The following CDKAL1 variants were observed in gnomAD, a reference collection of about 807,000 sequenced individuals.
CDKAL1 encodes CDKAL1 threonylcarbamoyladenosine tRNA methylthiotransferase, also known as threonylcarbamoyladenosine tRNA methylthiotransferase.
A neutral mutation model predicts 68.2 loss-of-function variants in CDKAL1; 32 were observed. That is an observed-to-expected ratio of 0.47 (90% CI 0.35 to 0.63). The LOEUF (loss-of-function observed/expected upper bound fraction) is 0.63. CDKAL1 is among the 30% of genes least tolerant of loss of function. The pLI, the probability that CDKAL1 is intolerant of heterozygous loss-of-function variation, is 0.00. For missense variants in CDKAL1, 606 were observed against 696.7 expected, an observed-to-expected ratio of 0.87 and a Z score of 1.47; for synonymous variants, 234 against 244.3, an observed-to-expected ratio of 0.96 and a Z score of 0.39.
chr6:20,724,533 A>G (rs369842760), intron 5 of CDKAL1, among the ~76,000 whole-genome samples: 1 of 151,968 alleles, frequency 6.6e-6, no homozygotes, highest in African/African-American at 2.4e-5. Context: ...TGTAGGCAAC[A>G]TGGTGAAACC....
intron 9 of CDKAL1, among the ~76,000 whole-genome samples, chr6:20,931,842 G>A (rs151019684): frequency 9.2e-5 from 14 of 152,216 alleles, no homozygotes; most frequent in African/African-American, 1.4e-4. Flanking sequence ...CTGTCATTTC[G>A]TGCTTGCTTT....
At chr6:20,612,746 G>A (rs1766674573) in intron 4 of CDKAL1, among the ~76,000 whole-genome samples, 1 of 151,978 alleles carries the variant, frequency 6.6e-6, no homozygotes, top group Non-Finnish European at 1.5e-5. Context: ...TTAGCTTGAT[G>A]TAAAACCATT....
chr6:20,841,384 A>C (rs1325118063), intron 8 of CDKAL1, among the ~76,000 whole-genome samples: 2 of 152,062 alleles, frequency 1.3e-5, no homozygotes, highest in Admixed American at 6.5e-5. Flanking sequence ...TAAGAGTATA[A>C]CTCTGATTTT....
Position 20,789,699 on chromosome 6 carries a change from C to A in CDKAL1, c.638+8434C>A, listed in dbSNP as rs559616515. On this transcript the variant is annotated intron_variant, in intron 8 of 15. Transcript: ENST00000274695. Reference sequence around the variant, plus strand: ...AGGGAGAATGAATTTGGATAAAAAGCAAAAATTTAAAGGTACTCAAATTTA... The same window carrying A: ...AGGGAGAATGAATTTGGATAAAAAGAAAAAATTTAAAGGTACTCAAATTTA... 3.3e-5 allele frequency among the ~76,000 whole-genome samples: 5 copies of A among 152,166 alleles called. No homozygotes were observed. In the South Asian group the frequency reaches 8.3e-4, roughly 25 times the overall value.
chr6:20,638,253 T>A (rs1274194180), intron 4 of CDKAL1, among the ~76,000 whole-genome samples: 1 of 152,116 alleles, frequency 6.6e-6, no homozygotes, highest in East Asian at 1.9e-4. Flanking sequence ...AAAAATAGTA[T>A]TTTTTTTAAA....
chr6:20,608,298 TTATC>T (rs901182341), intron 4 of CDKAL1, among the ~76,000 whole-genome samples: 2 of 152,164 alleles, frequency 1.3e-5, no homozygotes, highest in African/African-American at 4.8e-5. Context: ...AGTACACAAG[TTATC>T]TATATATAGT....
intron 10 of CDKAL1, among the ~76,000 whole-genome samples, chr6:20,967,819 A>G (rs1250636797): frequency 6.6e-6 from 1 of 152,126 alleles, no homozygotes; most frequent in African/African-American, 2.4e-5. Context: ...CTTGGTTTTC[A>G]TTTATCTGGA....
At chr6:20,599,955 C>T (rs918165151) in intron 4 of CDKAL1, among the ~76,000 whole-genome samples, 6 of 152,196 alleles carry the variant, frequency 3.9e-5, no homozygotes, top group African/African-American at 1.4e-4. Flanking sequence ...GACAATTTAC[C>T]TTTTCATACT....
intron 4 of CDKAL1, among the ~76,000 whole-genome samples, chr6:20,613,435 C>A (rs1337687950): frequency 6.7e-6 from 1 of 150,246 alleles, no homozygotes; most frequent in Non-Finnish European, 1.5e-5. Flanking sequence ...CCACCATACC[C>A]GGCTGATTTT....
At chr6:20,784,355 C>T (rs1581574516) in intron 8 of CDKAL1, among the ~76,000 whole-genome samples, 1 of 138,642 alleles carries the variant, frequency 7.2e-6, no homozygotes, top group Non-Finnish European at 1.6e-5. Flanking sequence ...AAAAATTTGG[C>T]TTCTTTTAAT....
chr6:20,815,486 A>G (rs1046576656), intron 8 of CDKAL1, among the ~76,000 whole-genome samples: 1 of 151,976 alleles, frequency 6.6e-6, no homozygotes, highest in South Asian at 2.1e-4. Context: ...AGAAGTTTGT[A>G]TAATCTCTTT....
At chr6:21,097,410 G>A (rs1773369312) in intron 12 of CDKAL1, among the ~76,000 whole-genome samples, 1 of 152,062 alleles carries the variant, frequency 6.6e-6, no homozygotes, top group Non-Finnish European at 1.5e-5. Flanking sequence ...AGAGGTTGCA[G>A]TGAGCTGAGA....
intron 5 of CDKAL1, among the ~76,000 whole-genome samples, chr6:20,737,491 A>G (rs1561732257): frequency 6.6e-6 from 1 of 152,224 alleles, no homozygotes; most frequent in Non-Finnish European, 1.5e-5. Context: ...GGATTTAATT[A>G]TTAGTCATCT....
At chr6:21,210,528 C>T (rs920774590) in intron 15 of CDKAL1, among the ~76,000 whole-genome samples, 8 of 152,278 alleles carry the variant, frequency 5.3e-5, no homozygotes, top group Middle Eastern at 3.4e-3. Flanking sequence ...TTAGATTTCC[C>T]AGCTTCTAAA....
intron 5 of CDKAL1, among the ~76,000 whole-genome samples, chr6:20,659,404 A>G (rs1296042217): frequency 6.6e-6 from 1 of 152,182 alleles, no homozygotes; most frequent in African/African-American, 2.4e-5. Flanking sequence ...GTGTGCTTTT[A>G]CCAGTCACAA....
intron 4 of CDKAL1, among the ~76,000 whole-genome samples, chr6:20,550,860 C>CT (rs70990044): frequency 0.035 from 2,555 of 72,858 alleles, 63 homozygotes; most frequent in Non-Finnish European, 0.042. Flanking sequence ...GAGGTTGTGT[C>CT]TTTTTTTTTT....
intron 11 of CDKAL1, among the ~76,000 whole-genome samples, chr6:21,016,314 G>T (rs994863182): frequency 6.6e-6 from 1 of 152,028 alleles, no homozygotes; most frequent in Non-Finnish European, 1.5e-5. Flanking sequence ...TAGTTCCAGA[G>T]CTGGTGCTTT....
At chr6:20,759,805 A>G (rs1386851207) in intron 7 of CDKAL1, among the ~76,000 whole-genome samples, 1 of 152,224 alleles carries the variant, frequency 6.6e-6, no homozygotes, top group Non-Finnish European at 1.5e-5. Context: ...AAATTTTTAA[A>G]GGCTTTTTCC....
chr6:20,660,448 G>A (rs1310116952), intron 5 of CDKAL1, among the ~76,000 whole-genome samples: 10 of 152,212 alleles, frequency 6.6e-5, no homozygotes, highest in Admixed American at 4.6e-4. Context: ...GATACAGGCT[G>A]TGTATTTGTA....
Sources: allele counts gnomAD v4.1 joint callset (sites outside exome capture counted in the v4.1 genomes callset), GRCh38; gene constraint gnomAD v4.1.1; transcripts MANE v1.5; gene names NCBI Gene and HGNC (gene_info 2026-07-23, HGNC 2026-07-21).